Variants in NCOA2 observed in about 807,000 individuals in gnomAD.
NCOA2 encodes the protein nuclear receptor coactivator 2, also known as class E basic helix-loop-helix protein 75.
A neutral mutation model predicts 145.1 loss-of-function variants in NCOA2; 21 were observed. The observed-to-expected ratio is 0.14, with a 90% confidence interval of 0.10 to 0.21. NCOA2 has a LOEUF of 0.21. Ranked by LOEUF, NCOA2 falls within the 10% of genes least tolerant of loss-of-function variation. The probability of loss-of-function intolerance (pLI) is 1.00; values close to 1 mark genes in which losing one functional copy is unlikely to be tolerated. For synonymous variants in NCOA2, 619 were observed against 637.5 expected, an observed-to-expected ratio of 0.97 and a Z score of 0.44; for missense variants, 1,472 against 1,837.6, an observed-to-expected ratio of 0.80 and a Z score of 3.64.
intron 4 of NCOA2, among the ~76,000 whole-genome samples, chr8:70,192,469 G>A (rs76720618): frequency 6.6e-6 from 1 of 152,190 alleles, no homozygotes. Context: ...CTGGCTTCCA[G>A]CCTGTGCATA....
chr8:70,329,790 C>A (rs1806919898), intron 1 of NCOA2, among the ~76,000 whole-genome samples: 1 of 152,136 alleles, frequency 6.6e-6, no homozygotes, highest in African/African-American at 2.4e-5. Context: ...ATGGATGCAA[C>A]AATGCACAGC....
In NCOA2 at chr8:70,157,008, T is replaced by C. The variant is rs1257894818; in HGVS notation, c.1357A>G (p.Met453Val). ...CTACCCTGAGGAGTGGTTGCTTGCA[T>C]GCCTGACACATGGTTCATTCCCCCA... ...GSGGMNHVSGMQATTPQGSNY... is the reference protein window; with the variant it reads ...GSGGMNHVSGVQATTPQGSNY... Residue 453 changes from methionine (M) to valine (V), a missense_variant, in exon 11 of 23, where the codon ATG (methionine) becomes GTG (valine). By Grantham distance (21) the Met-to-Val change is conservative (BLOSUM62 1). Around this residue, in one of 4 missense-constraint regions of NCOA2, gnomAD observed 953 missense variants for 1,062.1 expected, o/e 0.90. Coordinates refer to ENST00000452400, the MANE Select transcript of NCOA2 (RefSeq NM_006540.4). The C allele has an allele frequency of 6.2e-7, 1 of 1,614,082 alleles. No individual in the cohort carries two copies. The highest frequency in any genetic ancestry group is 8.5e-7 in the Non-Finnish European group (1 of 1,179,900).
At chr8:70,210,197 G>A (rs1304709683) in intron 4 of NCOA2, among the ~76,000 whole-genome samples, 5 of 152,242 alleles carry the variant, frequency 3.3e-5, no homozygotes, top group South Asian at 2.1e-4. Flanking sequence ...AAAACAATAC[G>A]CCTATTCCAT....
At chr8:70,129,420 G>C (rs916605407) in intron 16 of NCOA2, among the ~76,000 whole-genome samples, 2 of 152,132 alleles carry the variant, frequency 1.3e-5, no homozygotes, top group African/African-American at 2.4e-5. Context: ...GTGGGGTACT[G>C]ACCATCATTA....
Position 70,126,863 on chromosome 8 carries a change from G to T in NCOA2, c.3866C>A (p.Pro1289His). The T allele has an allele frequency of 6.2e-7, 1 of 1,613,984 alleles. No homozygotes were observed. Among genetic ancestry groups the T allele is most frequent in the Non-Finnish European group, 8.5e-7 (1 of 1,179,894 alleles). Residue 1289 changes from proline to histidine, a missense_variant, in exon 19 of 23, where the codon CCT becomes CAT. Around this residue, in one of 4 missense-constraint regions of NCOA2, gnomAD observed 232 missense variants for 290.6 expected, o/e 0.80. Transcript: ENST00000452400. ...CTGTGCATTTGCCTGGGGAATCCGA[G>T]GGTTGCTCATAGTTGCTGGCATACC... ...PSGMPATMSN[P>H]RIPQANAQQF...
chr8:70,254,456 G>A (rs1364449070), intron 2 of NCOA2, among the ~76,000 whole-genome samples: 2 of 152,184 alleles, frequency 1.3e-5, no homozygotes, highest in African/African-American at 4.8e-5. Context: ...GCCAAAAGGT[G>A]AAAGCAACTC....
chr8:70,140,582 G>A (rs1018583208), intron 14 of NCOA2, among the ~76,000 whole-genome samples: 1 of 141,624 alleles, frequency 7.1e-6, no homozygotes, highest in African/African-American at 2.7e-5. Context: ...AACTACTGCT[G>A]TACCACCTAA....
intron 6 of NCOA2, 134 bp downstream of exon 6, chr8:70,170,068 A>T (rs1392216945): frequency 2.4e-6 from 2 of 838,506 alleles, no homozygotes; most frequent in Non-Finnish European, 3.6e-6. Flanking sequence ...TCTGTAAAAA[A>T]CTACCCAGTC....
At chr8:70,432,683 TAAATA>T in the NCOA2 span, among the ~76,000 whole-genome samples, 2 of 151,780 alleles carry the variant, frequency 1.3e-5, no homozygotes, top group East Asian at 1.9e-4. Context: ...TAAATAAAAA[TAAATA>T]AAATAAAGTA....
intron 1 of NCOA2, among the ~76,000 whole-genome samples, chr8:70,310,900 C>CA (rs1213331995): frequency 2.6e-5 from 4 of 151,966 alleles, no homozygotes; most frequent in African/African-American, 9.7e-5. Context: ...CATACAATGC[C>CA]AAAAAGAACA....
intron 11 of NCOA2, among the ~76,000 whole-genome samples, chr8:70,155,292 G>C (rs1444921169): frequency 6.6e-6 from 1 of 152,066 alleles, no homozygotes; most frequent in Non-Finnish European, 1.5e-5. Flanking sequence ...GCATTAATCA[G>C]AAGTTTAGTT....
chr8:70,290,245 G>T (rs1207591708), intron 2 of NCOA2, among the ~76,000 whole-genome samples: 2 of 146,052 alleles, frequency 1.4e-5, no homozygotes, highest in African/African-American at 5.1e-5. Flanking sequence ...AGAGTGCAGT[G>T]GCGCGATTTC....
intron 1 of NCOA2, among the ~76,000 whole-genome samples, chr8:70,381,653 A>G (rs899436531): frequency 6.6e-6 from 1 of 152,252 alleles, no homozygotes; most frequent in African/African-American, 2.4e-5. Context: ...ATTCAAGCTT[A>G]TATAGAGATG....
the NCOA2 span, among the ~76,000 whole-genome samples, chr8:70,432,473 G>A: frequency 6.6e-6 from 1 of 152,112 alleles, no homozygotes; most frequent in Admixed American, 6.6e-5. Flanking sequence ...ATCAGCCTGG[G>A]CAACAAAGCA....
At chr8:70,152,920 T>G (rs1400784502) in intron 11 of NCOA2, among the ~76,000 whole-genome samples, 3 of 152,252 alleles carry the variant, frequency 2.0e-5, no homozygotes, top group African/African-American at 7.2e-5. Context: ...CTTATTGTAT[T>G]CCCTTGAAAT....
intron 2 of NCOA2, among the ~76,000 whole-genome samples, chr8:70,276,757 A>G (rs1373563896): frequency 2.0e-5 from 3 of 152,162 alleles, no homozygotes; most frequent in Admixed American, 6.6e-5. Flanking sequence ...TAAATTACCC[A>G]GTCTCGGGTA....
chr8:70,316,250 G>C (rs1256332803), intron 1 of NCOA2, among the ~76,000 whole-genome samples: 1 of 152,144 alleles, frequency 6.6e-6, no homozygotes, highest in African/African-American at 2.4e-5. Flanking sequence ...TGAAAGCAAA[G>C]TCTTATTAGA....
chr8:70,416,471 C>G, the NCOA2 span, among the ~76,000 whole-genome samples: 1 of 152,202 alleles, frequency 6.6e-6, no homozygotes, highest in African/African-American at 2.4e-5. Context: ...CATGATACAA[C>G]TATCTTGTGT....
chr8:70,433,813 C>T, the NCOA2 span, among the ~76,000 whole-genome samples: 1 of 152,078 alleles, frequency 6.6e-6, no homozygotes, highest in Admixed American at 6.5e-5. Context: ...GAAGTTGCCG[C>T]TTCTTAAAGG....
Sources: gnomAD v4.1 joint callset for allele counts (sites outside exome capture counted in the v4.1 genomes callset) on GRCh38, gnomAD v4.1.1 for gene constraint, gnomAD v4.1.1 regional missense constraint, MANE v1.5 for transcripts, NCBI Gene and HGNC (gene_info 2026-07-23, HGNC 2026-07-21) for gene names.